Variants in PLXDC2 observed in about 807,000 individuals in gnomAD.
The protein encoded by PLXDC2 is plexin domain-containing protein 2.
In PLXDC2, 40 loss-of-function variants were observed where a neutral mutation model predicts 68.9. That is an observed-to-expected ratio of 0.58 (90% CI 0.45 to 0.76). The LOEUF is 0.76. Among genes scored for constraint, PLXDC2 ranks in the 30% least tolerant of loss-of-function variants. The pLI is 0.00. For missense variants in PLXDC2, 644 were observed against 661.9 expected (o/e 0.97, Z 0.30); for synonymous variants, 243 against 234.2 (o/e 1.04, Z -0.34).
At chr10:20,168,403 C>T (rs1834402510) in intron 7 of PLXDC2, among the ~76,000 whole-genome samples, 2 of 152,102 alleles carry the variant, frequency 1.3e-5, no homozygotes, top group Non-Finnish European at 2.9e-5. Context: ...CTTTAAAAAA[C>T]AGCGATACTA....
chr10:20,159,824 A>G (rs1834267333), intron 6 of PLXDC2, among the ~76,000 whole-genome samples: 1 of 152,088 alleles, frequency 6.6e-6, no homozygotes, highest in South Asian at 2.1e-4. Flanking sequence ...TTGTTTCCCA[A>G]ATATCCACAT....
intron 1 of PLXDC2, among the ~76,000 whole-genome samples, chr10:19,925,909 C>A (rs185406560): frequency 1.3e-5 from 2 of 152,236 alleles, no homozygotes; most frequent in African/African-American, 4.8e-5. Flanking sequence ...TGTTTTGTAC[C>A]GGGGTTGATC....
At chr10:20,192,044 G>A (rs903303347) in intron 9 of PLXDC2, among the ~76,000 whole-genome samples, 8 of 152,018 alleles carry the variant, frequency 5.3e-5, no homozygotes, top group Non-Finnish European at 1.2e-4. Context: ...AGAGTTAAGA[G>A]TTAGAATCCT....
intron 1 of PLXDC2, among the ~76,000 whole-genome samples, chr10:19,904,011 T>A (rs1260618304): frequency 6.6e-6 from 1 of 152,166 alleles, no homozygotes; most frequent in Non-Finnish European, 1.5e-5. Context: ...CTTTTGGAGA[T>A]GATTTCCAAT....
chr10:19,885,818 G>C (rs543866031), intron 1 of PLXDC2, among the ~76,000 whole-genome samples: 4 of 152,148 alleles, frequency 2.6e-5, no homozygotes, highest in Non-Finnish European at 4.4e-5. Flanking sequence ...TTTGGCTTAG[G>C]ATTGACTTGG....
chr10:19,943,387 T>A (rs1266581566), intron 1 of PLXDC2, among the ~76,000 whole-genome samples: 1 of 152,226 alleles, frequency 6.6e-6, no homozygotes, highest in Non-Finnish European at 1.5e-5. Context: ...ATTCTATGCT[T>A]CTAATGTAAG....
At chr10:19,876,624 A>AAGAG (rs1200115188) in intron 1 of PLXDC2, among the ~76,000 whole-genome samples, 8 of 139,116 alleles carry the variant, frequency 5.8e-5, no homozygotes, top group African/African-American at 5.1e-5. Flanking sequence ...AAAAAAAAAA[A>AAGAG]AGAGAGAGAG....
At chr10:19,992,039 C>T (rs914438782) in intron 1 of PLXDC2, among the ~76,000 whole-genome samples, 2 of 152,160 alleles carry the variant, frequency 1.3e-5, no homozygotes, top group Admixed American at 1.3e-4. Flanking sequence ...AGATGAATAG[C>T]AGTGTGAAAG....
intron 13 of PLXDC2, among the ~76,000 whole-genome samples, chr10:20,279,275 T>G (rs573448539): frequency 1.0e-3 from 157 of 152,322 alleles, no homozygotes; most frequent in Non-Finnish European, 1.8e-3. Context: ...TGACCTTAGT[T>G]TTTGAGTGAA....
intron 2 of PLXDC2, among the ~76,000 whole-genome samples, chr10:20,020,184 T>TG (rs1835282737): frequency 6.9e-6 from 1 of 144,030 alleles, no homozygotes. Context: ...GCAAATTTTT[T>TG]TTTTTTTTTT....
chr10:20,170,211 G>A (rs1001570342), intron 7 of PLXDC2, among the ~76,000 whole-genome samples: 1 of 151,958 alleles, frequency 6.6e-6, no homozygotes, highest in African/African-American at 2.4e-5. Context: ...TCTTTTTTTA[G>A]TTGGAGTCTA....
chr10:20,257,997 C>CTTTTTTTTTTTTTT (rs550997528), intron 13 of PLXDC2, among the ~76,000 whole-genome samples: 44 of 84,350 alleles, frequency 5.2e-4, no homozygotes, highest in East Asian at 5.8e-4. Context: ...TTTTTTCTTT[C>CTTTTTTTTTTTTTT]TTTTTTTTTT....
intron 1 of PLXDC2, among the ~76,000 whole-genome samples, chr10:19,937,544 G>GTGTATATATATATATA (rs1283000294): frequency 1.0e-5 from 1 of 95,968 alleles, no homozygotes; most frequent in Non-Finnish European, 2.0e-5. Flanking sequence ...TATAGTCAAT[G>GTGTATATATATATATA]TATATATATA....
intron 1 of PLXDC2, among the ~76,000 whole-genome samples, chr10:19,817,715 C>T (rs555855244): frequency 7.2e-5 from 11 of 152,168 alleles, no homozygotes; most frequent in African/African-American, 2.7e-4. Flanking sequence ...CTGGGCCAAG[C>T]GGGCGCTGGA....
intron 13 of PLXDC2, among the ~76,000 whole-genome samples, chr10:20,251,189 C>T (rs990644643): frequency 3.3e-5 from 5 of 152,150 alleles, no homozygotes; most frequent in African/African-American, 4.8e-5. Flanking sequence ...CCATCATTCT[C>T]AGATCTTAGA....
intron 9 of PLXDC2, among the ~76,000 whole-genome samples, chr10:20,195,775 A>G (rs1271015209): frequency 6.6e-6 from 1 of 152,150 alleles, no homozygotes; most frequent in East Asian, 1.9e-4. Context: ...TTGGCAGAAC[A>G]GAGATGAGTT....
chr10:19,958,764 A>G (rs1198423970), intron 1 of PLXDC2, among the ~76,000 whole-genome samples: 1 of 152,200 alleles, frequency 6.6e-6, no homozygotes, highest in Non-Finnish European at 1.5e-5. Context: ...ATCATCACAA[A>G]TAATTGTGTT....
rs57093355 is a variant in PLXDC2, at chr10:20,051,395, AATAT to A, written c.471+4425_471+4428del. On this transcript the variant is annotated intron_variant, in intron 3 of 13. Transcript: ENST00000377252. ...ACTGCTGACCCTAAAATAAAGGTTA[AATAT>A]ATATATATATATATATATATATATA... is the stretch of plus-strand genomic sequence containing the variant. Among the ~76,000 whole-genome samples, 502 of 118,226 alleles carry A rather than the reference AATAT, an allele frequency of 4.2e-3. 2 individuals are homozygous for A. The highest frequency in any genetic ancestry group is 7.7e-3 in the African/African-American group (257 of 33,374). The allele number at this position is 118,226 out of a possible 152,430, so 77.6% of individuals were successfully genotyped here.
rs115669591 is a variant in PLXDC2 at position 19,832,634 on chromosome 10, C to T, written c.112+15443C>T. ...GTTGGAAGATGTTTCTACTGTCAAT[C>T]GAATTTTTTAATTCACTGTGTGAGA... On this transcript the variant is annotated intron_variant, in intron 1 of 13. Coordinates refer to ENST00000377252, the MANE Select transcript of PLXDC2 (RefSeq NM_032812.9). 1.7e-3 allele frequency among the ~76,000 whole-genome samples: 255 copies of T among 152,234 alleles called. 2 individuals are homozygous for T. The highest frequency in any genetic ancestry group is 6.8e-3 in the Middle Eastern group (2 of 294).
Sources: gnomAD v4.1 joint callset for allele counts (sites outside exome capture counted in the v4.1 genomes callset) on GRCh38, gnomAD v4.1.1 for gene constraint, MANE v1.5 for transcripts, NCBI Gene and HGNC (gene_info 2026-07-23, HGNC 2026-07-21) for gene names.